Variants in PKNOX2 observed in about 807,000 individuals in gnomAD.
PKNOX2 encodes PBX/knotted 1 homeobox 2.
Under a neutral mutation model 53.1 loss-of-function variants are expected in PKNOX2, and 14 were observed. That is an observed-to-expected ratio of 0.26 (90% CI 0.17 to 0.41). The LOEUF (loss-of-function observed/expected upper bound fraction) is 0.41, where lower values mean the gene tolerates loss of function less well. Among genes scored for constraint, PKNOX2 ranks in the 10% least tolerant of loss-of-function variants. The probability of loss-of-function intolerance (pLI) is 1.00; values close to 1 mark genes in which losing one functional copy is unlikely to be tolerated. For synonymous variants in PKNOX2, 257 were observed against 242.8 expected (o/e 1.06, Z -0.54); for missense variants, 496 against 602.8 (o/e 0.82, Z 1.85).
intron 2 of PKNOX2, among the ~76,000 whole-genome samples, chr11:125,325,993 GTTCAGCATTGATCTGA>G (rs1169652881): frequency 6.6e-6 from 1 of 152,188 alleles, no homozygotes; most frequent in African/African-American, 2.4e-5. Flanking sequence ...AACTGAACTG[GTTCAGCATTGATCTGA>G]TTTAATATTT....
intron 2 of PKNOX2, among the ~76,000 whole-genome samples, chr11:125,257,991 G>T (rs1027372868): frequency 5.9e-5 from 9 of 152,162 alleles, no homozygotes; most frequent in Non-Finnish European, 1.2e-4. Context: ...ACCTGAGCTT[G>T]CAGAAAGAAT....
rs1043183592 is a variant in PKNOX2 at position 125,370,656 on chromosome 11, C to T, written c.227+2671C>T. Among the ~76,000 whole-genome samples, 4 of 152,208 alleles carry T rather than the reference C, an allele frequency of 2.6e-5. No individual in the cohort carries two copies. The highest frequency in any genetic ancestry group is 2.1e-4 in the South Asian group (1 of 4,830). On this transcript the variant is annotated intron_variant, in intron 5 of 12. Coordinates refer to ENST00000298282, the MANE Select transcript of PKNOX2 (RefSeq NM_001382323.2). The surrounding 1 kb of genome is among the most constrained non-coding windows in gnomAD (Gnocchi z 4.1). Reference sequence around the variant, plus strand: ...CTAGTCCTGCTGCTGCCTCCTGGCCCGGCAGCCCCAGGGTTGTCTCCTACA... The same window carrying T: ...CTAGTCCTGCTGCTGCCTCCTGGCCTGGCAGCCCCAGGGTTGTCTCCTACA...
rs192862821 is a variant in PKNOX2, at chr11:125,167,563, C to A, written c.-201+2787C>A. The stretch of plus-strand genomic sequence containing the variant: ...AAGAGAGGCTGCTCAGAATAAGGGG[C>A]AGGGGGTTACCGGAGGGAGATGGGC... On this transcript the variant is annotated intron_variant, in intron 1 of 12. Transcript: ENST00000298282. Among the ~76,000 whole-genome samples the A allele has an allele frequency of 3.1e-3, 468 of 152,322 alleles. 1 individual carries two copies. The highest frequency in any genetic ancestry group is 0.01 in the African/African-American group (421 of 41,576).
At chr11:125,309,090 C>T (rs1313098790) in intron 2 of PKNOX2, among the ~76,000 whole-genome samples, 1 of 152,132 alleles carries the variant, frequency 6.6e-6, no homozygotes, top group African/African-American at 2.4e-5. Context: ...AGTCTGCAGT[C>T]ATCTTGTAGT....
intron 7 of PKNOX2, among the ~76,000 whole-genome samples, chr11:125,401,931 G>A (rs759792280): frequency 2.6e-5 from 4 of 152,260 alleles, no homozygotes; most frequent in Middle Eastern, 3.4e-3. Flanking sequence ...CATTCCAGCC[G>A]CCTGCCAGCT....
intron 1 of PKNOX2, among the ~76,000 whole-genome samples, chr11:125,192,431 C>T (rs187764898): frequency 7.5e-4 from 115 of 152,318 alleles, no homozygotes; most frequent in African/African-American, 2.6e-3. Flanking sequence ...GCTGGGCCAG[C>T]GTCCATCCTG....
chr11:125,193,402 C>G (rs1956995064), intron 1 of PKNOX2, among the ~76,000 whole-genome samples: 1 of 152,172 alleles, frequency 6.6e-6, no homozygotes, highest in Admixed American at 6.5e-5. Context: ...CTGCATCTTT[C>G]TGAGGCAAAG....
chr11:125,228,068 T>A (rs1264953358), intron 1 of PKNOX2, among the ~76,000 whole-genome samples: 1 of 152,202 alleles, frequency 6.6e-6, no homozygotes, highest in Admixed American at 6.5e-5. Context: ...GGTAGTGTAC[T>A]GCTCCTCTCC....
At chr11:125,223,940 T>A (rs1267647605) in intron 1 of PKNOX2, among the ~76,000 whole-genome samples, 2 of 152,244 alleles carry the variant, frequency 1.3e-5, no homozygotes, top group Admixed American at 1.3e-4. Context: ...CTGATTCAAT[T>A]ATTTTAAGCC....
intron 2 of PKNOX2, among the ~76,000 whole-genome samples, chr11:125,294,894 G>A (rs1947550476): frequency 6.6e-6 from 1 of 152,230 alleles, no homozygotes; most frequent in South Asian, 2.1e-4. Context: ...TGAGAGTGAA[G>A]GGTGAGGCAT....
At chr11:125,178,590 G>GA (rs1955880262) in intron 1 of PKNOX2, among the ~76,000 whole-genome samples, 1 of 40,798 alleles carries the variant, frequency 2.5e-5, no homozygotes, top group African/African-American at 1.6e-4. Context: ...AGGAAGGAAG[G>GA]AAGGAAGGAA....
At chr11:125,188,315 C>G (rs931452849) in intron 1 of PKNOX2, among the ~76,000 whole-genome samples, 1 of 152,138 alleles carries the variant, frequency 6.6e-6, no homozygotes, top group South Asian at 2.1e-4. Flanking sequence ...CTGGGGAAGG[C>G]TTTCTCAAAG....
intron 2 of PKNOX2, among the ~76,000 whole-genome samples, chr11:125,300,235 C>T (rs920523395): frequency 6.6e-6 from 1 of 152,216 alleles, no homozygotes; most frequent in African/African-American, 2.4e-5. Flanking sequence ...TCTTTTTCTA[C>T]CCTCTTTATC....
At position 125,351,351 on chromosome 11, in the gene PKNOX2, A is replaced by G; in HGVS notation, c.46A>G (p.Thr16Ala). ...SPAPALTMMA[T>A]QNVPPPPYQD... ...AGCCCCCGCTCTGACGATGATGGCCACGCAGAATGTCCCGCCCCCACCCTA... is the reference window on the plus strand; with the variant it reads ...AGCCCCCGCTCTGACGATGATGGCCGCGCAGAATGTCCCGCCCCCACCCTA... The change falls in exon 4 of 13, where the codon ACG (threonine) becomes GCG (alanine). Residue 16 changes from threonine to alanine, a missense_variant. This residue lies in a region of PKNOX2 where 168 missense variants were observed against 178.4 expected (regional missense o/e 0.94). Transcript: ENST00000298282. 6.2e-7 allele frequency: 1 copy of G among 1,610,248 alleles called. No homozygotes were observed. The highest frequency in any genetic ancestry group is 8.5e-7 in the Non-Finnish European group (1 of 1,177,874).
chr11:125,227,706 CT>C (rs1247824287), intron 1 of PKNOX2, among the ~76,000 whole-genome samples: 2 of 152,220 alleles, frequency 1.3e-5, no homozygotes, highest in Non-Finnish European at 2.9e-5. Flanking sequence ...GTACAAGTAT[CT>C]GCTTCAGTCG....
intron 2 of PKNOX2, among the ~76,000 whole-genome samples, chr11:125,245,537 G>T (rs1397968968): frequency 6.6e-6 from 1 of 152,226 alleles, no homozygotes; most frequent in Non-Finnish European, 1.5e-5. Context: ...AATCAGGAAT[G>T]GTGCGGCCTC....
chr11:125,358,220 A>G (rs1323595581), intron 4 of PKNOX2, among the ~76,000 whole-genome samples: 2 of 152,224 alleles, frequency 1.3e-5, no homozygotes, highest in African/African-American at 4.8e-5. Flanking sequence ...GGCATGTCAA[A>G]TAGGTTTTAC....
At chr11:125,170,422 G>A (rs1425636566) in intron 1 of PKNOX2, among the ~76,000 whole-genome samples, 1 of 152,112 alleles carries the variant, frequency 6.6e-6, no homozygotes, top group Non-Finnish European at 1.5e-5. Context: ...GACAGGGCTG[G>A]GGGTTGAGAG....
In PKNOX2 at chr11:125,178,676, AAGAGAGAGAGAGAGAGAG is replaced by A. The variant is rs55812201; in HGVS notation, c.-201+13906_-201+13923del. Among the ~76,000 whole-genome samples the A allele has an allele frequency of 3.2e-4, 32 of 98,856 alleles. 1 individual carries two copies. The highest frequency in any genetic ancestry group is 1.5e-3 in the African/African-American group (27 of 17,966). 64.9% of individuals were successfully genotyped at this position (98,856 alleles called of 152,430 possible). On this transcript the variant is annotated intron_variant, in intron 1 of 12. Transcript: ENST00000298282. The stretch of plus-strand genomic sequence containing the variant: ...AAGGAAGGAAGGAAGGAAGGAAAGA[AAGAGAGAGAGAGAGAGAG>A]AGAGAAAGAAAGAAAGAAAGAAAGA...
Sources: gnomAD v4.1 joint callset for allele counts (sites outside exome capture counted in the v4.1 genomes callset) on GRCh38, gnomAD v4.1.1 for gene constraint, gnomAD v4.1.1 regional missense constraint, Gnocchi (gnomAD v3.1) non-coding constraint, MANE v1.5 for transcripts, NCBI Gene and HGNC (gene_info 2026-07-23, HGNC 2026-07-21) for gene names.